Variants in ALS2 observed in about 807,000 individuals in gnomAD.
ALS2 encodes the protein alsin Rho guanine nucleotide exchange factor ALS2.
ALS2 carries 117 observed loss-of-function variants against 203.4 expected under a neutral mutation model. That is an observed-to-expected ratio of 0.58 (90% CI 0.50 to 0.67). ALS2 has a LOEUF of 0.67. Ranked by LOEUF, ALS2 falls within the 30% of genes least tolerant of loss-of-function variation. ALS2 has a pLI of 0.00. For missense variants in ALS2, 1,715 were observed against 1,989.4 expected (o/e 0.86, Z 2.62); for synonymous variants, 718 against 725.9 (o/e 0.99, Z 0.17).
At chr2:201,746,874 A>C in intron 8 of ALS2, 126 bp from the exon 9 acceptor site, 1 of 1,033,462 alleles carries the variant, frequency 9.7e-7, no homozygotes, top group South Asian at 1.3e-5. Flanking sequence ...CTGAGAGCAA[A>C]CTTACCCAGC....
chr2:201,729,044 T>C lies in ALS2; in HGVS notation c.2712+8A>G. ...CTAGGGTAACAAATGACAACTGGCA[T>C]GGCTTACCGTCATTTTTCCGGGGAA... On this transcript the variant is annotated splice_region_variant and intron_variant, in intron 14 of 33. Transcript: ENST00000264276. 6.2e-7 allele frequency: 1 copy of C among 1,614,158 alleles called. No homozygotes were observed. The highest frequency in any genetic ancestry group is 8.5e-7 in the Non-Finnish European group (1 of 1,180,002).
chr2:201,744,386 A>G lies in ALS2; in HGVS notation c.2042T>C (p.Leu681Ser). The G allele has an allele frequency of 6.2e-7, 1 of 1,614,138 alleles. No homozygotes were observed. Among genetic ancestry groups the G allele is most frequent in the Non-Finnish European group, 8.5e-7 (1 of 1,179,996 alleles). The stretch of plus-strand genomic sequence containing the variant: ...CATAATGTTTTTATCCACCAAGGCT[A>G]AATAGCTATCTTTTCCTGCTGTCAC... Reference protein sequence around the residue: ...SRVTAGKDSYLALVDKNIMGY... With the variant: ...SRVTAGKDSYSALVDKNIMGY... The change falls in exon 10 of 34, where the codon TTA becomes TCA. Residue 681 changes from leucine to serine, a missense_variant. Leu to Ser is a moderately radical substitution (Grantham distance 145). This residue lies in a region of ALS2 where 1,227 missense variants were observed against 1,413.5 expected (regional missense o/e 0.87). Coordinates refer to ENST00000264276, the MANE Select transcript of ALS2 (RefSeq NM_020919.4).
At chr2:201,729,879 CAAAAAAAAAAAAAA>C (rs35065446) in intron 13 of ALS2, among the ~76,000 whole-genome samples, 4 of 75,236 alleles carry the variant, frequency 5.3e-5, no homozygotes, top group East Asian at 4.6e-4. Context: ...GACTCCGTCT[CAAAAAAAAAAAAAA>C]AAAAAAAAAA....
In ALS2 at chr2:201,746,261, T is replaced by C. The variant is rs74422936; in HGVS notation, c.1998+305A>G. On this transcript the variant is annotated intron_variant, in intron 9 of 33. Coordinates refer to ENST00000264276, the MANE Select transcript of ALS2 (RefSeq NM_020919.4). ...TCATCAAATATCATCAAAATATTTA[T>C]AAAGTATGTACTATGCTACAGCAGT... Among the ~76,000 whole-genome samples the C allele has an allele frequency of 0.052, 7,925 of 152,278 alleles. 220 individuals are homozygous for C. The highest frequency in any genetic ancestry group is 0.085 in the Middle Eastern group (25 of 294).
chr2:201,776,813 GCTTT>G (rs1240670659), intron 1 of ALS2, among the ~76,000 whole-genome samples: 1 of 152,120 alleles, frequency 6.6e-6, no homozygotes, highest in East Asian at 1.9e-4. Context: ...AGTTTCACTT[GCTTT>G]AATAGTGCTA....
Position 201,768,928 on chromosome 2 carries a change from C to A in ALS2, c.-43G>T, listed in dbSNP as rs370364462. ...CCATCACCAAATCATTCCTTCTTTA[C>A]AGAAAGTCTATCAAGACCTAAACAG... On this transcript the variant is annotated 5_prime_UTR_variant, in exon 2 of 34. Transcript: ENST00000264276. 2.7e-5 allele frequency: 43 copies of A among 1,600,802 alleles called. No individual in the cohort carries two copies. In the African/African-American group the frequency reaches 5.4e-4, roughly 20 times the overall value.
chr2:201,714,323 T>C (rs1690230612), intron 25 of ALS2, among the ~76,000 whole-genome samples: 1 of 152,208 alleles, frequency 6.6e-6, no homozygotes, highest in South Asian at 2.1e-4. Context: ...AGGGTGCCTA[T>C]GTGACCCGCC....
Position 201,706,846 on chromosome 2 carries a change from C to T in ALS2, c.4580G>A (p.Arg1527Lys). 2.5e-6 allele frequency: 4 copies of T among 1,613,852 alleles called. No individual in the cohort carries two copies. The highest frequency in any genetic ancestry group is 2.2e-5 in the East Asian group (1 of 44,868). The change falls in exon 29 of 34, where the codon AGG becomes AAG. Residue 1527 changes from arginine to lysine, a missense_variant and splice_region_variant. Transcript: ENST00000264276. ...TTGCGCTTGTAACTACTACACTTAC[C>T]TCTGCACCCCAAGAAAGCCCAGGAG... ...IALLGFLGVQ[R>K]KFWPATLSIL...
chr2:201,746,486 C>A, intron 9 of ALS2, 80 bp downstream of exon 9: 1 of 1,499,550 alleles, frequency 6.7e-7, no homozygotes, highest in East Asian at 2.3e-5. Flanking sequence ...AATAATTAGC[C>A]ATACATACAA....
chr2:201,761,057 T>C lies in ALS2; in HGVS notation c.937A>G (p.Thr313Ala), dbSNP rs909684305. 5.0e-6 allele frequency: 8 copies of C among 1,614,098 alleles called. No individual in the cohort carries two copies. Among genetic ancestry groups the C allele is most frequent in the East Asian group, 2.2e-5 (1 of 44,886 alleles). Residue 313 changes from threonine (T) to alanine (A), a missense_variant, in exon 4 of 34, where the codon ACA becomes GCA. Coordinates refer to ENST00000264276, the MANE Select transcript of ALS2 (RefSeq NM_020919.4). ...TGAGAGGACATGGCATCGCTGCTTG[T>C]GATCTGAGCACTTACTGCATTCAGT... ...TELNAVSAQITSSDAMSSQQN... is the reference protein window; with the variant it reads ...TELNAVSAQIASSDAMSSQQN...
At chr2:201,771,942 G>A (rs1434000549) in intron 1 of ALS2, among the ~76,000 whole-genome samples, 2 of 152,122 alleles carry the variant, frequency 1.3e-5, no homozygotes, top group Admixed American at 6.5e-5. Flanking sequence ...ATTTACTGTG[G>A]GACCCTCTCT....
Position 201,757,720 on chromosome 2 carries a change from G to C in ALS2, c.1153C>G (p.Pro385Ala), listed in dbSNP as rs1455334668. Residue 385 changes from proline to alanine, a missense_variant, in exon 5 of 34, where the codon CCT becomes GCT. Physicochemically the swap from Pro to Ala is conservative, Grantham distance 27 (BLOSUM62 -1). Coordinates refer to ENST00000264276, the MANE Select transcript of ALS2 (RefSeq NM_020919.4). ...TTTAGGGCTGAGGTGCTTGTGGTAG[G>C]CGGGCTGTGGAGATTAGGAATTGCT... ...EEAIPNLHSP[P>A]TTSTSALNSL... 6.2e-7 allele frequency: 1 copy of C among 1,612,846 alleles called. No individual in the cohort carries two copies. Among genetic ancestry groups the C allele is most frequent in the Non-Finnish European group, 8.5e-7 (1 of 1,180,010 alleles).
chr2:201,764,682 T>TAAATAAAA (rs1419067685), intron 3 of ALS2, among the ~76,000 whole-genome samples: 100 of 142,526 alleles, frequency 7.0e-4, no homozygotes, highest in African/African-American at 2.5e-3. Flanking sequence ...AATAAATAAA[T>TAAATAAAA]AAAAGTGAAT....
chr2:201,703,186 T>C (rs1410193788), intron 33 of ALS2, among the ~76,000 whole-genome samples: 1 of 152,184 alleles, frequency 6.6e-6, no homozygotes, highest in Non-Finnish European at 1.5e-5. Flanking sequence ...AAACCTGACA[T>C]TGAATTCTAA....
rs543139724 is a variant in ALS2 at position 201,701,821 on chromosome 2, G to C, written c.*30C>G. On this transcript the variant is annotated 3_prime_UTR_variant, in exon 34 of 34. Coordinates refer to ENST00000264276, the MANE Select transcript of ALS2 (RefSeq NM_020919.4). ...GATGGTGTTATAACACTCTGTAGTA[G>C]ATAATCCAGTTTTCAAGCTGTTATG... 4 of 1,609,130 alleles carry C rather than the reference G, an allele frequency of 2.5e-6. No homozygotes were observed. The Admixed American group carries it at 5.0e-5, about 20-fold the overall frequency.
In ALS2 at chr2:201,706,908, T is replaced by G. The variant is rs888237705; in HGVS notation, c.4518A>C (p.Glu1506Asp). 6.2e-7 allele frequency: 1 copy of G among 1,614,104 alleles called. No individual in the cohort carries two copies. Among genetic ancestry groups the G allele is most frequent in the Admixed American group, 1.7e-5 (1 of 60,024 alleles). Residue 1506 changes from glutamate to aspartate, a missense_variant, in exon 29 of 34, where the codon GAA becomes GAC. Around this residue, in one of 3 missense-constraint regions of ALS2, gnomAD observed 1,227 missense variants for 1,413.5 expected, o/e 0.87. Coordinates refer to ENST00000264276, the MANE Select transcript of ALS2 (RefSeq NM_020919.4). ...GCTGCTTATTTAGTCGAAGGACACATTCCCAGTAAATGTCTTCCTCGCGAT... is the reference window on the plus strand; with the variant it reads ...GCTGCTTATTTAGTCGAAGGACACAGTCCCAGTAAATGTCTTCCTCGCGAT... ...DNDREEDIYW[E>D]CVLRLNKQPD...
chr2:201,761,112 AAG>A lies in ALS2; in HGVS notation c.880_881del (p.Leu294CysfsTer4). On this transcript the variant is annotated frameshift_variant, in exon 4 of 34. Transcript: ENST00000264276. LOFTEE classifies it high-confidence loss of function. ...DRQEEVFENT[L>X]VANDQSVATE... ...TAGCAACAGACTGATCATTTGCTAC[AAG>A]AGTGTTCTCAAATACTTCTTCCTGC... 1.2e-6 allele frequency: 2 copies of A among 1,614,232 alleles called. No individual in the cohort carries two copies. Among genetic ancestry groups the A allele is most frequent in the Non-Finnish European group, 1.7e-6 (2 of 1,180,032 alleles).
Position 201,727,694 on chromosome 2 carries a change from G to T in ALS2, c.2912+11C>A, listed in dbSNP as rs1271667199. ...TGGACGGGGTGGGGTGGGGAGGGGG[G>T]ACGCACTTACACACCACCAGCTTCT... On this transcript the variant is annotated intron_variant, in intron 16 of 33. Coordinates refer to ENST00000264276, the MANE Select transcript of ALS2 (RefSeq NM_020919.4). 1 of 1,550,682 alleles carries T rather than the reference G, an allele frequency of 6.4e-7. No homozygotes were observed. Among genetic ancestry groups the T allele is most frequent in the Admixed American group, 2.0e-5 (1 of 51,008 alleles).
At chr2:201,737,688 G>A (rs188230597) in intron 12 of ALS2, among the ~76,000 whole-genome samples, 118 of 152,246 alleles carry the variant, frequency 7.8e-4, no homozygotes, top group African/African-American at 2.5e-3. Flanking sequence ...TTTGGAGGCC[G>A]AGGTGGGTGA....
Sources: gnomAD v4.1 joint callset for allele counts (sites outside exome capture counted in the v4.1 genomes callset) on GRCh38, gnomAD v4.1.1 for gene constraint, gnomAD v4.1.1 regional missense constraint, MANE v1.5 for transcripts, NCBI Gene and HGNC (gene_info 2026-07-23, HGNC 2026-07-21) for gene names.